Variants in HHAT observed in about 807,000 individuals in gnomAD.
The protein encoded by HHAT is hedgehog acyltransferase.
In HHAT, 47 loss-of-function variants were observed where a neutral mutation model predicts 70.8. The ratio of observed to expected loss-of-function variants is 0.66; its 90% confidence interval spans 0.53 to 0.85. The LOEUF (loss-of-function observed/expected upper bound fraction) is 0.85, where lower values mean the gene tolerates loss of function less well. Among genes scored for constraint, HHAT ranks in the 40% least tolerant of loss-of-function variants. The pLI, the probability that HHAT is intolerant of heterozygous loss-of-function variation, is 0.00. For missense variants in HHAT, 609 were observed against 604.8 expected (o/e 1.01, Z -0.07); for synonymous variants, 228 against 247.6 (o/e 0.92, Z 0.74).
chr1:210,344,847 A>T (rs1183243575), intron 1 of HHAT, among the ~76,000 whole-genome samples: 6 of 151,902 alleles, frequency 3.9e-5, no homozygotes, highest in African/African-American at 7.3e-5. Context: ...TGAGCCCCAG[A>T]TGTTGCCAGC....
rs77166486 is a variant in HHAT, at chr1:210,551,605, G to C, written c.1044-36293G>C. On this transcript the variant is annotated intron_variant, in intron 9 of 11. Transcript: ENST00000261458. ...AAGGAACTACTTAATCAAAATGACA[G>C]GAATCTTCTCAGTTATATGAAATTT... Among the ~76,000 whole-genome samples the C allele has an allele frequency of 3.0e-3, 461 of 152,244 alleles. 3 individuals carry two copies. The highest frequency in any genetic ancestry group is 0.011 in the African/African-American group (440 of 41,532).
chr1:210,494,906 G>A (rs1010760498), intron 8 of HHAT, among the ~76,000 whole-genome samples: 6 of 152,130 alleles, frequency 3.9e-5, no homozygotes, highest in Non-Finnish European at 8.8e-5. Flanking sequence ...GGAGATGTAT[G>A]GCTCTGGACT....
In HHAT at chr1:210,334,178, ATT is replaced by A. The variant is rs3033354; in HGVS notation, c.-44+5093_-44+5094del. 9.5e-4 allele frequency among the ~76,000 whole-genome samples: 95 copies of A among 99,980 alleles called. 10 individuals carry two copies. The highest frequency in any genetic ancestry group is 2.6e-3 in the African/African-American group (71 of 27,352). The allele number at this position is 99,980 out of a possible 152,430, so 65.6% of individuals were successfully genotyped here. A position where few individuals can be genotyped will look rare whatever the true frequency, so the allele number is the denominator to read the frequency against. On this transcript the variant is annotated intron_variant, in intron 1 of 11. Transcript: ENST00000261458. ...TACTTGCTGGCCACTTTAGCGTGTC[ATT>A]TTTTTTTTTTTTTTTTTTGAGAAAG...
intron 10 of HHAT, among the ~76,000 whole-genome samples, chr1:210,597,298 G>T (rs1473208734): frequency 3.3e-5 from 5 of 152,148 alleles, no homozygotes; most frequent in Admixed American, 6.5e-5. Flanking sequence ...ACAGTACTGG[G>T]TCTTGCCCAT....
chr1:210,451,779 A>G (rs556957623), intron 7 of HHAT, among the ~76,000 whole-genome samples: 26 of 152,236 alleles, frequency 1.7e-4, no homozygotes, highest in African/African-American at 4.3e-4. Flanking sequence ...TGGTTTTGCT[A>G]TGTTGCCCAG....
chr1:210,349,208 G>C (rs1237261591), intron 2 of HHAT, 142 bp downstream of exon 2: 3 of 849,490 alleles, frequency 3.5e-6, no homozygotes, highest in Non-Finnish European at 5.3e-6. Flanking sequence ...GTCTTGGATA[G>C]TTTGAATCAG....
intron 2 of HHAT, 66 bp from the exon 3 acceptor site, chr1:210,362,786 C>T: frequency 7.6e-7 from 1 of 1,313,948 alleles, no homozygotes; most frequent in Non-Finnish European, 1.1e-6. Context: ...TTCAGTGCTT[C>T]AGCTCTTCAG....
chr1:210,377,819 A>ACACAGTAGAACAGGGCAGC (rs2090343262), intron 3 of HHAT, among the ~76,000 whole-genome samples: 1 of 152,336 alleles, frequency 6.6e-6, no homozygotes, highest in East Asian at 1.9e-4. Context: ...TGGGAATGGT[A>ACACAGTAGAACAGGGCAGC]CACAGTAGAA....
intron 6 of HHAT, among the ~76,000 whole-genome samples, chr1:210,413,611 T>C (rs2092630303): frequency 6.6e-6 from 1 of 152,236 alleles, no homozygotes; most frequent in African/African-American, 2.4e-5. Flanking sequence ...ACTCACAAAT[T>C]CTGCCTTCCA....
At chr1:210,634,617 C>T (rs1343195927) in intron 11 of HHAT, among the ~76,000 whole-genome samples, 1 of 152,220 alleles carries the variant, frequency 6.6e-6, no homozygotes, top group African/African-American at 2.4e-5. Context: ...TTTTAATAAG[C>T]TAGAAGAAAC....
chr1:210,465,484 G>T (rs1422543084), intron 8 of HHAT, among the ~76,000 whole-genome samples: 1 of 152,206 alleles, frequency 6.6e-6, no homozygotes. Context: ...ATAGGAGTCG[G>T]TGCCTTATTC....
At chr1:210,414,874 C>T (rs536285891) in intron 6 of HHAT, among the ~76,000 whole-genome samples, 6 of 151,968 alleles carry the variant, frequency 3.9e-5, no homozygotes, top group Non-Finnish European at 7.4e-5. Flanking sequence ...AAAAAATAGC[C>T]AGGTGTGGTG....
chr1:210,430,615 A>G (rs1183693808), intron 7 of HHAT, among the ~76,000 whole-genome samples: 1 of 151,926 alleles, frequency 6.6e-6, no homozygotes, highest in Non-Finnish European at 1.5e-5. Context: ...TAGTTTCAAA[A>G]TTATAATGCT....
chr1:210,522,032 T>C (rs936361563), intron 9 of HHAT, among the ~76,000 whole-genome samples: 2 of 152,232 alleles, frequency 1.3e-5, no homozygotes, highest in African/African-American at 4.8e-5. Context: ...GCAAAAATAC[T>C]TGCTTTGTTA....
chr1:210,396,896 G>A (rs1370227153), intron 4 of HHAT, among the ~76,000 whole-genome samples: 1 of 152,220 alleles, frequency 6.6e-6, no homozygotes, highest in Non-Finnish European at 1.5e-5. Context: ...AGAGGAGTGG[G>A]AAGGAGGTAA....
chr1:210,665,945 ATT>A (rs1349725295), intron 11 of HHAT, among the ~76,000 whole-genome samples: 1 of 152,202 alleles, frequency 6.6e-6, no homozygotes, highest in Admixed American at 6.5e-5. Flanking sequence ...AAGATTGTGT[ATT>A]CTTTGTTGTA....
At chr1:210,620,929 T>C (rs535985120) in intron 10 of HHAT, among the ~76,000 whole-genome samples, 12 of 151,680 alleles carry the variant, frequency 7.9e-5, no homozygotes, top group Admixed American at 5.9e-4. Flanking sequence ...TAGGAATTTA[T>C]GGAACCATGT....
At chr1:210,340,107 C>T (rs941698532) in intron 1 of HHAT, among the ~76,000 whole-genome samples, 17 of 151,646 alleles carry the variant, frequency 1.1e-4, no homozygotes, top group East Asian at 1.9e-4. Flanking sequence ...TGGGAGGCTG[C>T]GGCGGGAGGA....
chr1:210,419,226 A>G (rs138200005), intron 7 of HHAT, among the ~76,000 whole-genome samples: 3 of 152,258 alleles, frequency 2.0e-5, no homozygotes, highest in African/African-American at 7.2e-5. Context: ...TACCTTGTAC[A>G]CTGTCTTGGG....
Sources: allele counts gnomAD v4.1 joint callset (sites outside exome capture counted in the v4.1 genomes callset), GRCh38; gene constraint gnomAD v4.1.1; transcripts MANE v1.5; gene names NCBI Gene and HGNC (gene_info 2026-07-23, HGNC 2026-07-21).